The following BRINP3 variants were observed in gnomAD, a reference collection of about 807,000 sequenced individuals.
BRINP3 encodes the protein BMP/retinoic acid-inducible neural-specific protein 3.
BRINP3 carries 19 observed loss-of-function variants against 71.0 expected under a neutral mutation model. The observed-to-expected ratio is 0.27, with a 90% confidence interval of 0.19 to 0.39. BRINP3 has a LOEUF of 0.39. BRINP3 is among the 10% of genes least tolerant of loss of function. BRINP3 has a pLI of 1.00. For synonymous variants in BRINP3, 380 were observed against 337.7 expected, an observed-to-expected ratio of 1.13 and a Z score of -1.37; for missense variants, 959 against 940.8, an observed-to-expected ratio of 1.02 and a Z score of -0.25.
chr1:190,314,482 G>A (rs945441596), intron 2 of BRINP3, among the ~76,000 whole-genome samples: 7 of 152,088 alleles, frequency 4.6e-5, no homozygotes, highest in Non-Finnish European at 8.8e-5. Context: ...TAGAGGAAAG[G>A]AACAAAAGAG....
intron 4 of BRINP3, among the ~76,000 whole-genome samples, chr1:190,255,481 G>A (rs1660579193): frequency 6.6e-6 from 1 of 152,062 alleles, no homozygotes; most frequent in African/African-American, 2.4e-5. Context: ...GGTCTATTCA[G>A]AGATTCAACT....
At chr1:190,184,556 A>C (rs779515780) in intron 6 of BRINP3, among the ~76,000 whole-genome samples, 1 of 152,204 alleles carries the variant, frequency 6.6e-6, no homozygotes. Context: ...CAGCCATAAA[A>C]ATAGCAAAAT....
intron 4 of BRINP3, among the ~76,000 whole-genome samples, chr1:190,246,833 A>G (rs1281691858): frequency 6.6e-6 from 1 of 151,952 alleles, no homozygotes; most frequent in Non-Finnish European, 1.5e-5. Context: ...ATCACTCTCT[A>G]AAACTTGTTA....
intron 4 of BRINP3, among the ~76,000 whole-genome samples, chr1:190,245,560 A>T (rs559299629): frequency 2.6e-5 from 4 of 152,142 alleles, no homozygotes; most frequent in Admixed American, 1.3e-4. Flanking sequence ...TATTTATCTT[A>T]AAAAATAACA....
chr1:190,112,575 T>C (rs1005439127), intron 7 of BRINP3, among the ~76,000 whole-genome samples: 2 of 152,188 alleles, frequency 1.3e-5, no homozygotes, highest in African/African-American at 4.8e-5. Flanking sequence ...GAAAAACAAT[T>C]TGAAAATTAA....
At chr1:190,350,107 A>C (rs1237310670) in intron 2 of BRINP3, among the ~76,000 whole-genome samples, 2 of 152,128 alleles carry the variant, frequency 1.3e-5, no homozygotes, top group Non-Finnish European at 2.9e-5. Context: ...AGGTACAAAC[A>C]AAACCACGCC....
At chr1:190,289,040 A>T (rs1663652423) in intron 2 of BRINP3, among the ~76,000 whole-genome samples, 1 of 151,888 alleles carries the variant, frequency 6.6e-6, no homozygotes, top group South Asian at 2.1e-4. Context: ...TAAACCATGG[A>T]TTATGTGAAG....
chr1:190,423,823 T>C (rs1389258948), intron 2 of BRINP3, among the ~76,000 whole-genome samples: 7 of 151,884 alleles, frequency 4.6e-5, no homozygotes, highest in Admixed American at 1.3e-4. Context: ...TTTATCATTA[T>C]GACAGTTTTT....
rs552406737 is a variant in BRINP3, at chr1:190,329,069, C to T, written c.237-47319G>A. On this transcript the variant is annotated intron_variant, in intron 2 of 7. Transcript: ENST00000367462. ...TGACAAACCCACGGTAAATATAATG[C>T]TGACCAGGCAAAAACTGGAAACATT... Among the ~76,000 whole-genome samples, 5 of 152,058 alleles carry T rather than the reference C, an allele frequency of 3.3e-5. No individual in the cohort carries two copies. In the South Asian group the frequency reaches 8.3e-4, roughly 25 times the overall value.
intron 2 of BRINP3, among the ~76,000 whole-genome samples, chr1:190,421,291 C>CATT (rs78369563): frequency 0.099 from 12,992 of 131,896 alleles, 812 homozygotes; most frequent in African/African-American, 0.18. Context: ...ACAAGATTCT[C>CATT]ATTATTATTA....
At chr1:190,320,810 T>C (rs1211696259) in intron 2 of BRINP3, among the ~76,000 whole-genome samples, 1 of 152,062 alleles carries the variant, frequency 6.6e-6, no homozygotes, top group African/African-American at 2.4e-5. Context: ...AGCATGTACA[T>C]ACATGCTCAT....
At chr1:190,101,680 T>C (rs985221343) in intron 7 of BRINP3, among the ~76,000 whole-genome samples, 1 of 152,188 alleles carries the variant, frequency 6.6e-6, no homozygotes, top group Non-Finnish European at 1.5e-5. Context: ...CCTATCCAGA[T>C]GAAAATTATA....
chr1:190,216,498 A>G (rs1201434691), intron 6 of BRINP3, among the ~76,000 whole-genome samples: 1 of 151,834 alleles, frequency 6.6e-6, no homozygotes, highest in African/African-American at 2.4e-5. Context: ...AGAGTGAGAA[A>G]TTTTCTCAGG....
chr1:190,421,294 T>TATC, intron 2 of BRINP3, among the ~76,000 whole-genome samples: 1 of 105,784 alleles, frequency 9.5e-6, no homozygotes, highest in Non-Finnish European at 2.2e-5. Context: ...AGATTCTCAT[T>TATC]ATTATTATTA....
chr1:190,354,548 C>A (rs1217883515), intron 2 of BRINP3, among the ~76,000 whole-genome samples: 4 of 151,916 alleles, frequency 2.6e-5, no homozygotes, highest in African/African-American at 4.8e-5. Context: ...AAATTAAATA[C>A]TACAGTGAAC....
intron 4 of BRINP3, among the ~76,000 whole-genome samples, chr1:190,260,557 TAG>T (rs1180068810): frequency 3.3e-5 from 5 of 151,412 alleles, no homozygotes; most frequent in East Asian, 1.9e-4. Flanking sequence ...TATATATATA[TAG>T]AGAGAGAGAG....
At chr1:190,457,575 A>G (rs369458853) in intron 1 of BRINP3, among the ~76,000 whole-genome samples, 7 of 152,214 alleles carry the variant, frequency 4.6e-5, no homozygotes, top group Non-Finnish European at 1.0e-4. Context: ...AGGTCACCTC[A>G]TCAGTCTATT....
chr1:190,217,658 C>T (rs1476346617), intron 6 of BRINP3, among the ~76,000 whole-genome samples: 1 of 151,890 alleles, frequency 6.6e-6, no homozygotes, highest in Non-Finnish European at 1.5e-5. Flanking sequence ...TACATTTGAC[C>T]ACTGATTACA....
rs186137174 is a variant in BRINP3 at position 190,303,664 on chromosome 1, C to A, written c.237-21914G>T. 1.7e-4 allele frequency among the ~76,000 whole-genome samples: 26 copies of A among 151,738 alleles called. No homozygotes were observed. In the East Asian group the frequency reaches 5.0e-3, roughly 29 times the overall value. On this transcript the variant is annotated intron_variant, in intron 2 of 7. Transcript: ENST00000367462. Reference sequence around the variant, plus strand: ...AAGTATGAGGACACTTCTGAAAGAACTAGGTCAGTTAAAAGTCAGTAAAGC... The same window carrying A: ...AAGTATGAGGACACTTCTGAAAGAAATAGGTCAGTTAAAAGTCAGTAAAGC...
Sources: allele counts gnomAD v4.1 joint callset (sites outside exome capture counted in the v4.1 genomes callset), GRCh38; gene constraint gnomAD v4.1.1; transcripts MANE v1.5; gene names NCBI Gene and HGNC (gene_info 2026-07-23, HGNC 2026-07-21).